Variants in SLC9C2 observed in about 807,000 individuals in gnomAD.
SLC9C2 encodes the protein solute carrier family 9 member C2 (putative).
A neutral mutation model predicts 140.2 loss-of-function variants in SLC9C2; 75 were observed. The observed-to-expected ratio is 0.53, with a 90% CI of 0.44 to 0.65. The LOEUF (loss-of-function observed/expected upper bound fraction) is 0.65. SLC9C2 is among the 30% of genes least tolerant of loss of function. The pLI, the probability that SLC9C2 is intolerant of heterozygous loss-of-function variation, is 0.00. For synonymous variants in SLC9C2, 375 were observed against 420.9 expected, an observed-to-expected ratio of 0.89 and a Z score of 1.34; for missense variants, 1,074 against 1,331.8, an observed-to-expected ratio of 0.81 and a Z score of 3.01.
intron 19 of SLC9C2, among the ~76,000 whole-genome samples, chr1:173,525,890 G>A (rs1661162387): frequency 6.6e-6 from 1 of 152,194 alleles, no homozygotes; most frequent in Non-Finnish European, 1.5e-5. Flanking sequence ...GGTTTTCTGA[G>A]ATAATGCCAA....
chr1:173,538,985 T>C (rs532105424), intron 13 of SLC9C2, among the ~76,000 whole-genome samples: 2 of 152,162 alleles, frequency 1.3e-5, no homozygotes, highest in Non-Finnish European at 2.9e-5. Context: ...GGTAAGAAAA[T>C]GTTGCATTCT....
chr1:173,522,403 G>A (rs989400541), intron 21 of SLC9C2, among the ~76,000 whole-genome samples: 8 of 152,160 alleles, frequency 5.3e-5, no homozygotes, highest in Non-Finnish European at 8.8e-5. Context: ...CAAACTGAAC[G>A]TCTGCAGTTA....
At chr1:173,524,754 T>C in intron 20 of SLC9C2, 25 bp downstream of exon 20, 1 of 1,611,586 alleles carries the variant, frequency 6.2e-7, no homozygotes, top group Non-Finnish European at 8.5e-7. Flanking sequence ...TGGGGTGTTA[T>C]GCGGACAGAA....
chr1:173,525,065 A>G, intron 19 of SLC9C2, 138 bp from the exon 20 acceptor site: 10 of 949,772 alleles, frequency 1.1e-5, no homozygotes, highest in Non-Finnish European at 1.3e-5. Context: ...TCATGAGGTC[A>G]GCAGGCAAAG....
In SLC9C2 at chr1:173,534,521, T is replaced by C; in HGVS notation, c.1937A>G (p.Tyr646Cys). The C allele has an allele frequency of 6.3e-7, 1 of 1,587,100 alleles. No individual in the cohort carries two copies. Among genetic ancestry groups the C allele is most frequent in the Non-Finnish European group, 8.5e-7 (1 of 1,170,554 alleles). Reference protein sequence around the residue: ...NVSALISINYYFMFLYVLEST... With the variant: ...NVSALISINYCFMFLYVLEST... ...TTCTAATACATATAAAAACATAAAATAGTAGTTTATTGATATCAGTGCTGA... is the reference window on the plus strand; with the variant it reads ...TTCTAATACATATAAAAACATAAAACAGTAGTTTATTGATATCAGTGCTGA... The change falls in exon 16 of 28, where the codon TAT becomes TGT. Residue 646 changes from tyrosine to cysteine, a missense_variant. Tyr to Cys is a radical substitution (Grantham distance 194). Coordinates refer to ENST00000367714, the MANE Select transcript of SLC9C2 (RefSeq NM_178527.4).
chr1:173,508,268 G>GA (rs921151373), intron 24 of SLC9C2, among the ~76,000 whole-genome samples: 8 of 148,130 alleles, frequency 5.4e-5, no homozygotes, highest in East Asian at 2.0e-4. Context: ...TTCTTTAATG[G>GA]AAAAAAAAAG....
intron 24 of SLC9C2, among the ~76,000 whole-genome samples, chr1:173,508,481 A>T (rs1436625180): frequency 6.6e-6 from 1 of 152,038 alleles, no homozygotes; most frequent in African/African-American, 2.4e-5. Context: ...TCACCCCTGA[A>T]GTTTCATACT....
At chr1:173,585,011 C>A (rs912422720) in intron 5 of SLC9C2, among the ~76,000 whole-genome samples, 1 of 152,152 alleles carries the variant, frequency 6.6e-6, no homozygotes, top group African/African-American at 2.4e-5. Flanking sequence ...TTCTATAATT[C>A]TATGATGACC....
At chr1:173,565,628 A>T (rs766092451) in intron 9 of SLC9C2, among the ~76,000 whole-genome samples, 4 of 152,148 alleles carry the variant, frequency 2.6e-5, no homozygotes, top group Non-Finnish European at 4.4e-5. Context: ...GTATAATTTG[A>T]AGTTAAGTAA....
At position 173,548,506 on chromosome 1, in the gene SLC9C2, G is replaced by A; in HGVS notation, c.1344C>T (p.Ala448=). The A allele has an allele frequency of 6.2e-7, 1 of 1,613,808 alleles. No individual in the cohort carries two copies. Among genetic ancestry groups the A allele is most frequent in the Admixed American group, 1.7e-5 (1 of 59,998 alleles). Residue 448 remains alanine (A), a synonymous_variant, in exon 12 of 28, where the codon GCC becomes GCT. Transcript: ENST00000367714. Reference sequence around the variant, plus strand: ...GTACTATCTCCTGTATGTGCTGAGTGGCATTTTGCAAGATCATTTGTCTTG... The same window carrying A: ...GTACTATCTCCTGTATGTGCTGAGTAGCATTTTGCAAGATCATTTGTCTTG... ...SLPRQMILQN[A]TQHIQEIVQN...
chr1:173,520,793 C>T (rs1268269030), intron 22 of SLC9C2, among the ~76,000 whole-genome samples: 1 of 152,148 alleles, frequency 6.6e-6, no homozygotes, highest in African/African-American at 2.4e-5. Context: ...GACCATCATC[C>T]AGGATCTAGG....
At chr1:173,585,426 T>C (rs1035448685) in intron 5 of SLC9C2, among the ~76,000 whole-genome samples, 10 of 152,214 alleles carry the variant, frequency 6.6e-5, no homozygotes, top group African/African-American at 1.9e-4. Flanking sequence ...TAGTTTCTTT[T>C]ATTTAAGAAA....
At chr1:173,533,505 T>C in intron 17 of SLC9C2, 104 bp downstream of exon 17, 1 of 784,574 alleles carries the variant, frequency 1.3e-6, no homozygotes, top group Non-Finnish European at 2.1e-6. Flanking sequence ...CTCAAACTTC[T>C]GGACTCAAGC....
intron 2 of SLC9C2, among the ~76,000 whole-genome samples, chr1:173,601,292 G>A (rs1188766202): frequency 6.6e-6 from 1 of 152,174 alleles, no homozygotes; most frequent in Non-Finnish European, 1.5e-5. Context: ...CAGGCAGGCA[G>A]TGTACAGCTC....
chr1:173,597,273 G>T (rs1666502822), intron 4 of SLC9C2, among the ~76,000 whole-genome samples: 1 of 151,584 alleles, frequency 6.6e-6, no homozygotes, highest in Admixed American at 6.6e-5. Context: ...ATAACTAATG[G>T]GTCAAAAAGT....
chr1:173,545,076 G>A (rs2102044645), intron 13 of SLC9C2, among the ~76,000 whole-genome samples: 1 of 152,196 alleles, frequency 6.6e-6, no homozygotes, highest in Non-Finnish European at 1.5e-5. Flanking sequence ...CAAATCAAGG[G>A]TGTGGCTGAA....
intron 23 of SLC9C2, 100 bp from the exon 24 acceptor site, chr1:173,509,799 T>A: frequency 8.4e-7 from 1 of 1,189,054 alleles, no homozygotes; most frequent in Non-Finnish European, 1.2e-6. Context: ...TCAGAAAAAC[T>A]ATCAATTCTA....
intron 1 of SLC9C2, among the ~76,000 whole-genome samples, chr1:173,602,405 A>G (rs1666840425): frequency 6.6e-6 from 1 of 152,196 alleles, no homozygotes; most frequent in Non-Finnish European, 1.5e-5. Flanking sequence ...GTCAAAGTTG[A>G]GTCACACCAG....
chr1:173,580,221 A>T (rs887735647), intron 7 of SLC9C2, among the ~76,000 whole-genome samples: 1 of 152,248 alleles, frequency 6.6e-6, no homozygotes, highest in Non-Finnish European at 1.5e-5. Flanking sequence ...TCACTTGAAC[A>T]GAGTTTGAAA....
Sources: gnomAD v4.1 joint callset for allele counts (sites outside exome capture counted in the v4.1 genomes callset) on GRCh38, gnomAD v4.1.1 for gene constraint, MANE v1.5 for transcripts, NCBI Gene and HGNC (gene_info 2026-07-23, HGNC 2026-07-21) for gene names.